STMN1: variants seen among roughly 807,000 people sequenced by gnomAD.
The protein encoded by STMN1 is stathmin.
Under a neutral mutation model 19.7 loss-of-function variants are expected in STMN1, and 3 were observed. The ratio of observed to expected loss-of-function variants is 0.15; its 90% CI spans 0.07 to 0.39. The LOEUF is 0.39. Ranked by LOEUF, STMN1 falls within the 10% of genes least tolerant of loss-of-function variation. The probability of loss-of-function intolerance (pLI) is 1.00; values close to 1 mark genes in which losing one functional copy is unlikely to be tolerated. For synonymous variants in STMN1, 59 were observed against 58.9 expected, an observed-to-expected ratio of 1.00 and a Z score of -0.01; for missense variants, 99 against 176.0, an observed-to-expected ratio of 0.56 and a Z score of 2.48.
At chr1:25,899,844 C>T (rs992112259), downstream of STMN1, among the ~76,000 whole-genome samples, 3 of 152,106 alleles carry the variant, frequency 2.0e-5, no homozygotes, top group African/African-American at 4.8e-5. Flanking sequence ...TGGACCCCAC[C>T]GCAGTATTAG....
At chr1:25,903,900 T>C (rs1252848919) in intron 2 of STMN1, 87 bp from the exon 3 acceptor site, 8 of 1,373,038 alleles carry the variant, frequency 5.8e-6, no homozygotes, top group African/African-American at 1.5e-5. Flanking sequence ...CCCAAATCAA[T>C]TTAATGTATT....
intron 4 of STMN1, chr1:25,892,624 G>A (rs992048312): frequency 2.9e-5 from 29 of 984,330 alleles, no homozygotes; most frequent in Admixed American, 1.8e-4. Context: ...CTAAACAACC[G>A]CCTCCCTACA....
intron 3 of STMN1, chr1:25,902,611 T>A (rs1557484465): frequency 6.6e-6 from 1 of 152,268 alleles, no homozygotes; most frequent in Non-Finnish European, 1.5e-5. Context: ...CTATTGATTC[T>A]CTTCTGCCAA....
At chr1:25,890,336 G>A (rs1363059310) in intron 4 of STMN1, among the ~76,000 whole-genome samples, 2 of 152,296 alleles carry the variant, frequency 1.3e-5, no homozygotes, top group African/African-American at 4.8e-5. Context: ...GAAACTACAG[G>A]GAAAAGGAGC....
chr1:25,903,958 C>T (rs1417355013), intron 2 of STMN1, 145 bp from the exon 3 acceptor site: 1 of 801,000 alleles, frequency 1.2e-6, no homozygotes, highest in East Asian at 2.8e-5. Context: ...CCTTTTTATT[C>T]CTATCAGTCT....
At position 25,900,133 on chromosome 1, in the gene STMN1, A is replaced by G. The variant is rs774373272; in HGVS notation, c.*883T>C. On this transcript the variant is annotated 3_prime_UTR_variant, in exon 5 of 5. Coordinates refer to ENST00000455785, the MANE Select transcript of STMN1 (RefSeq NM_005563.4). ...CACAGGAGTTGCTACAGCAGTACAT[A>G]AAGTTTTATTAATATTCTGATTCTC... 2 of 985,844 alleles carry G rather than the reference A, an allele frequency of 2.0e-6. No homozygotes were observed. Among genetic ancestry groups the G allele is most frequent in the Non-Finnish European group, 2.4e-6 (2 of 829,926 alleles). The allele number at this position is 985,844 out of a possible 1,614,324, so 61.1% of individuals were successfully genotyped here.
intron 4 of STMN1, among the ~76,000 whole-genome samples, chr1:25,891,111 T>A (rs976991871): frequency 1.3e-5 from 2 of 152,088 alleles, no homozygotes; most frequent in African/African-American, 2.4e-5. Context: ...GGTGGCTGGA[T>A]CACCTGAGGT....
rs2048917001 is a variant in STMN1, at chr1:25,904,683, T to C, written c.-7A>G. The C allele has an allele frequency of 7.4e-6, 12 of 1,613,824 alleles. No homozygotes were observed. The highest frequency in any genetic ancestry group is 1.1e-5 in the South Asian group (1 of 91,026). ...ACCTACCAGAAGAAGCCATGGTGAATAGAAGACAAGCGACAGGCAGTGTAT... is the reference window on the plus strand; with the variant it reads ...ACCTACCAGAAGAAGCCATGGTGAACAGAAGACAAGCGACAGGCAGTGTAT... On this transcript the variant is annotated 5_prime_UTR_variant, in exon 2 of 5. Transcript: ENST00000455785.
rs1330167425 is a variant in STMN1, at chr1:25,892,552, C to G, written c.379-6683G>C. ...TTTAAACAGGGAGGGTAGATGCCAC[C>G]ACGGCTGAGCCGCTGAGCCGCTGAG... On this transcript the variant is annotated intron_variant, in intron 4 of 4. Coordinates refer to the STMN1 transcript ENST00000426559. 6 of 983,462 alleles carry G rather than the reference C, an allele frequency of 6.1e-6. No individual in the cohort carries two copies. The East Asian group carries it at 4.5e-4, about 74-fold the overall frequency. 60.9% of individuals were successfully genotyped at this position (983,462 alleles called of 1,614,324 possible).
chr1:25,892,006 C>T (rs939048202), intron 4 of STMN1, among the ~76,000 whole-genome samples: 1 of 152,178 alleles, frequency 6.6e-6, no homozygotes, highest in African/African-American at 2.4e-5. Flanking sequence ...CTCTTAGAGC[C>T]AGAACCGGAA....
At chr1:25,899,759 C>G (rs2048851026), downstream of STMN1, among the ~76,000 whole-genome samples, 1 of 152,004 alleles carries the variant, frequency 6.6e-6, no homozygotes, top group Non-Finnish European at 1.5e-5. Context: ...TGTTATTGTT[C>G]TCATGAATAA....
chr1:25,903,553 A>G, intron 3 of STMN1, 88 bp downstream of exon 3: 1 of 1,536,120 alleles, frequency 6.5e-7, no homozygotes, highest in Non-Finnish European at 8.9e-7. Context: ...GTGTAGCTAC[A>G]ATTCTGTTTT....
chr1:25,892,380 C>CTTTTTTTT (rs35541438), intron 4 of STMN1: 1 of 173,456 alleles, frequency 5.8e-6, no homozygotes, highest in Non-Finnish European at 9.4e-6. Context: ...CAGAGCAAGA[C>CTTTTTTTT]TTTTTTTTTT....
chr1:25,894,221 T>C (rs1301302299), intron 4 of STMN1, among the ~76,000 whole-genome samples: 1 of 152,194 alleles, frequency 6.6e-6, no homozygotes, highest in Non-Finnish European at 1.5e-5. Flanking sequence ...CAGTGGGATC[T>C]CCTGTGCAGG....
chr1:25,887,312 G>A (rs2048730728), intron 4 of STMN1: 1 of 180,042 alleles, frequency 5.6e-6, no homozygotes, highest in African/African-American at 2.4e-5. Flanking sequence ...TACAGGAAAA[G>A]GGGCCAAGAG....
In STMN1 at chr1:25,885,832, G is replaced by A. The variant is rs774840300; in HGVS notation, c.416C>T (p.Ala139Val). ...ACAAGATTGCTCAGCAGAGATCTGT[G>A]CTGGGTGGGCCCCAGGCCCGTGAGT... Residue 139 changes from alanine (A) to valine (V), a missense_variant, in exon 5 of 5, where the codon GCA becomes GTA. Physicochemically the swap from Ala to Val is moderately conservative, Grantham distance 64. Transcript: ENST00000426559. 4.4e-5 allele frequency: 69 copies of A among 1,551,558 alleles called. No individual in the cohort carries two copies. In the South Asian group the frequency reaches 6.1e-4, roughly 14 times the overall value.
chr1:25,897,054 C>T (rs900939356), downstream of STMN1, among the ~76,000 whole-genome samples: 2 of 152,216 alleles, frequency 1.3e-5, no homozygotes, highest in Admixed American at 6.5e-5. Context: ...GTGGCTCATG[C>T]CTGTAATGCC....
At chr1:25,903,269 T>A (rs72881377) in intron 3 of STMN1, 8,346 of 183,370 alleles carry the variant, frequency 0.046, 710 homozygotes, top group African/African-American at 0.18. Flanking sequence ...CAAAGAATCA[T>A]CTGGCAACAA....
intron 2 of STMN1, 52 bp from the exon 3 acceptor site, chr1:25,903,865 T>A (rs374093449): frequency 6.5e-7 from 1 of 1,528,194 alleles, no homozygotes; most frequent in Non-Finnish European, 8.8e-7. Context: ...CCTGTTCTAA[T>A]AAACTGTACT....
Sources: allele counts gnomAD v4.1 joint callset (sites outside exome capture counted in the v4.1 genomes callset), GRCh38; gene constraint gnomAD v4.1.1; transcripts MANE v1.5; gene names NCBI Gene and HGNC (gene_info 2026-07-23, HGNC 2026-07-21).